The following MAP7 variants were observed in gnomAD, a reference collection of about 807,000 sequenced individuals.
MAP7 encodes microtubule associated protein 7.
A neutral mutation model predicts 94.8 loss-of-function variants in MAP7; 52 were observed. The observed-to-expected ratio is 0.55, with a 90% CI of 0.44 to 0.69. MAP7 has a LOEUF of 0.69. Ranked by LOEUF, MAP7 falls within the 30% of genes least tolerant of loss-of-function variation. The pLI is 0.00. For synonymous variants in MAP7, 350 were observed against 357.0 expected (o/e 0.98, Z 0.22); for missense variants, 940 against 964.6 (o/e 0.97, Z 0.34).
At chr6:136,425,820 T>A (rs145509173) in intron 1 of MAP7, among the ~76,000 whole-genome samples, 4 of 152,202 alleles carry the variant, frequency 2.6e-5, no homozygotes, top group Non-Finnish European at 5.9e-5. Context: ...TCAAAGCTTA[T>A]GGGAGTTAGC....
At chr6:136,499,342 T>A (rs189582270) in intron 1 of MAP7, among the ~76,000 whole-genome samples, 1 of 152,238 alleles carries the variant, frequency 6.6e-6, no homozygotes, top group African/African-American at 2.4e-5. Context: ...CAAGTGCCAA[T>A]AGTTTCATTT....
In MAP7 at chr6:136,368,929, T is replaced by G. The variant is rs557124833; in HGVS notation, c.877-2490A>C. On this transcript the variant is annotated intron_variant, in intron 8 of 17. Coordinates refer to ENST00000354570, the MANE Select transcript of MAP7 (RefSeq NM_003980.6). ...ATTCAACCCAAAATTCACAGAAAATTTCAAAGGATCCTGAAGAACCAAAAT... is the reference window on the plus strand; with the variant it reads ...ATTCAACCCAAAATTCACAGAAAATGTCAAAGGATCCTGAAGAACCAAAAT... Among the ~76,000 whole-genome samples the G allele has an allele frequency of 7.9e-5, 12 of 152,296 alleles. 1 individual carries two copies. In the South Asian group the frequency reaches 2.5e-3, roughly 32 times the overall value.
chr6:136,356,838 T>C, intron 15 of MAP7, 44 bp from the exon 16 acceptor site: 1 of 1,503,026 alleles, frequency 6.7e-7, no homozygotes, highest in Non-Finnish European at 9.2e-7. Flanking sequence ...ACTAATATTC[T>C]TTTCTTAGAC....
At chr6:136,537,368 G>A (rs915988929) in intron 1 of MAP7, among the ~76,000 whole-genome samples, 5 of 152,128 alleles carry the variant, frequency 3.3e-5, no homozygotes, top group Admixed American at 6.5e-5. Context: ...AAAGTTGTTC[G>A]AGTCTCATAG....
chr6:136,402,905 CAAAAAAAAAAAAAAAAA>C (rs57114676), intron 3 of MAP7, among the ~76,000 whole-genome samples: 12 of 67,390 alleles, frequency 1.8e-4, no homozygotes, highest in African/African-American at 6.2e-4. Flanking sequence ...GACTCTGTCT[CAAAAAAAAAAAAAAAAA>C]AAAAAAAAAA....
intron 1 of MAP7, among the ~76,000 whole-genome samples, chr6:136,547,898 A>G (rs1829852850): frequency 6.6e-6 from 1 of 152,146 alleles, no homozygotes; most frequent in Admixed American, 6.6e-5. Context: ...TGATATTCTC[A>G]TCTAAAGTGC....
chr6:136,526,427 C>T, intron 1 of MAP7: 1 of 987,810 alleles, frequency 1.0e-6, no homozygotes, highest in East Asian at 1.1e-4. Context: ...CCTGCTACCA[C>T]ACAGTAAAAT....
At chr6:136,364,309 G>T (rs1027295826) in intron 10 of MAP7, 14 of 502,930 alleles carry the variant, frequency 2.8e-5, no homozygotes, top group Non-Finnish European at 4.0e-5. Context: ...GACATGGGGA[G>T]CCTCATCTGC....
At chr6:136,347,548 G>A (rs1788028913) in intron 16 of MAP7, among the ~76,000 whole-genome samples, 1 of 152,132 alleles carries the variant, frequency 6.6e-6, no homozygotes. Context: ...TGGGACTACA[G>A]GGGCAAGCCA....
chr6:136,454,605 G>A (rs1468327668), intron 1 of MAP7, among the ~76,000 whole-genome samples: 2 of 151,058 alleles, frequency 1.3e-5, no homozygotes, highest in Non-Finnish European at 3.0e-5. Context: ...GCCTGAAAAT[G>A]TCTTTTAAAT....
At chr6:136,388,544 C>T (rs754858578) in intron 4 of MAP7, 34 bp from the exon 5 acceptor site, 2 of 1,553,138 alleles carry the variant, frequency 1.3e-6, no homozygotes, top group Non-Finnish European at 1.8e-6. Flanking sequence ...GGATTAGATT[C>T]CAGCTGGTTG....
chr6:136,505,277 GTATATATATA>G (rs56764706), intron 1 of MAP7, among the ~76,000 whole-genome samples: 12 of 53,832 alleles, frequency 2.2e-4, no homozygotes, highest in South Asian at 8.3e-4. Context: ...GTGTGTGTGT[GTATATATATA>G]TATATATATA....
intron 8 of MAP7, among the ~76,000 whole-genome samples, chr6:136,370,747 G>C (rs1418664561): frequency 3.3e-5 from 5 of 152,068 alleles, no homozygotes; most frequent in African/African-American, 1.2e-4. Context: ...TGGCTGCCAG[G>C]GCCTGGGGGG....
intron 7 of MAP7, among the ~76,000 whole-genome samples, chr6:136,376,343 C>T (rs1776149121): frequency 6.6e-6 from 1 of 152,200 alleles, no homozygotes; most frequent in African/African-American, 2.4e-5. Context: ...CAACGATCTG[C>T]CCACCTCGGC....
Position 136,360,579 on chromosome 6 carries a change from G to C in MAP7, c.1803+118C>G, listed in dbSNP as rs116223855. On this transcript the variant is annotated intron_variant, in intron 13 of 17. Coordinates refer to ENST00000354570, the MANE Select transcript of MAP7 (RefSeq NM_003980.6). ...CTTTGCAGGAGATTGTTATCACTGA[G>C]GGGGCTACTAGTTTATGTGGCAAGG... 2,112 of 785,354 alleles carry C rather than the reference G, an allele frequency of 2.7e-3. 27 individuals are homozygous for C. The African/African-American group carries it at 0.031, about 12-fold the overall frequency. 48.6% of individuals were successfully genotyped at this position (785,354 alleles called of 1,614,324 possible). A position where few individuals can be genotyped will look rare whatever the true frequency, so the allele number is the denominator to read the frequency against.
chr6:136,377,497 T>G (rs1159095690), intron 7 of MAP7, among the ~76,000 whole-genome samples: 1 of 152,208 alleles, frequency 6.6e-6, no homozygotes, highest in Non-Finnish European at 1.5e-5. Flanking sequence ...GGTAATGTTA[T>G]GAACAGACAG....
intron 1 of MAP7, among the ~76,000 whole-genome samples, chr6:136,464,424 A>G (rs1208900364): frequency 6.6e-6 from 1 of 152,208 alleles, no homozygotes; most frequent in Non-Finnish European, 1.5e-5. Context: ...CGTAACTCCT[A>G]TTACTCTATA....
intron 1 of MAP7, among the ~76,000 whole-genome samples, chr6:136,473,061 C>CT (rs1226573756): frequency 1.3e-5 from 2 of 152,196 alleles, no homozygotes; most frequent in African/African-American, 4.8e-5. Flanking sequence ...CTATTTCCTT[C>CT]TTTCATGCTG....
intron 1 of MAP7, among the ~76,000 whole-genome samples, chr6:136,517,846 G>C (rs1825308168): frequency 6.6e-6 from 1 of 152,168 alleles, no homozygotes. Flanking sequence ...CCTGATAAGG[G>C]CTGGTTCTGA....
Sources: allele counts gnomAD v4.1 joint callset (sites outside exome capture counted in the v4.1 genomes callset), GRCh38; gene constraint gnomAD v4.1.1; transcripts MANE v1.5; gene names NCBI Gene and HGNC (gene_info 2026-07-23, HGNC 2026-07-21).